Variants in FXR1 observed in about 807,000 individuals in gnomAD.
FXR1 encodes the protein RNA-binding protein FXR1.
FXR1 carries 15 observed loss-of-function variants against 84.0 expected under a neutral mutation model. The ratio of observed to expected loss-of-function variants is 0.18; its 90% CI spans 0.12 to 0.27. The LOEUF (loss-of-function observed/expected upper bound fraction) is 0.27, where lower values mean the gene tolerates loss of function less well. Ranked by LOEUF, FXR1 falls within the 10% of genes least tolerant of loss-of-function variation. FXR1 has a pLI of 1.00. For missense variants in FXR1, 480 were observed against 774.4 expected (o/e 0.62, Z 4.51); for synonymous variants, 245 against 250.7 (o/e 0.98, Z 0.21).
chr3:180,959,027 C>T (rs897914360), intron 10 of FXR1, among the ~76,000 whole-genome samples: 16 of 151,914 alleles, frequency 1.1e-4, no homozygotes, highest in Non-Finnish European at 1.9e-4. Context: ...AGGATGGTCT[C>T]GATCTCTTGA....
chr3:180,952,225 C>G (rs764585379), intron 8 of FXR1, among the ~76,000 whole-genome samples: 1 of 152,046 alleles, frequency 6.6e-6, no homozygotes, highest in Admixed American at 6.6e-5. Context: ...TCCAAAGTGC[C>G]GGGACTATAG....
At chr3:180,916,127 G>A (rs543482301) in intron 1 of FXR1, among the ~76,000 whole-genome samples, 2 of 152,164 alleles carry the variant, frequency 1.3e-5, no homozygotes, top group South Asian at 4.2e-4. Context: ...TATACTACTG[G>A]ACATTTAAGG....
At chr3:180,971,171 C>T (rs1292334857) in intron 15 of FXR1, 1 of 1,075,350 alleles carries the variant, frequency 9.3e-7, no homozygotes, top group Non-Finnish European at 1.2e-6. Flanking sequence ...TTGAGTGGAC[C>T]TGTGGACACC....
chr3:180,978,275 G>A lies in FXR1; in HGVS notation c.*1983G>A, dbSNP rs1341169260. 2 of 148,700 alleles carry A rather than the reference G, an allele frequency of 1.3e-5. No homozygotes were observed. The highest frequency in any genetic ancestry group is 3.9e-4 in the East Asian group (2 of 5,080). The allele number at this position is 148,700 out of a possible 1,614,324, so 9.2% of individuals were successfully genotyped here. A position where few individuals can be genotyped will look rare whatever the true frequency, so the allele number is the denominator to read the frequency against. On this transcript the variant is annotated 3_prime_UTR_variant, in exon 17 of 17. Transcript: ENST00000357559. The stretch of plus-strand genomic sequence containing the variant: ...CCATAAAGATGGTTTCAATGGGAAT[G>A]GAAGAAACAAAATCTTAAAAGAGTG...
chr3:180,922,232 G>A (rs1473511553), intron 1 of FXR1, among the ~76,000 whole-genome samples: 3 of 152,142 alleles, frequency 2.0e-5, no homozygotes, highest in Non-Finnish European at 4.4e-5. Context: ...TGTAATAAAT[G>A]TTGAAAGATT....
intron 1 of FXR1, among the ~76,000 whole-genome samples, chr3:180,917,189 C>G (rs901116447): frequency 1.3e-5 from 2 of 152,174 alleles, no homozygotes; most frequent in South Asian, 2.1e-4. Context: ...GTCTACAAAA[C>G]AAATCTCAAA....
At position 180,977,521 on chromosome 3, in the gene FXR1, A is replaced by G. The variant is rs1016221589; in HGVS notation, c.*1229A>G. On this transcript the variant is annotated 3_prime_UTR_variant, in exon 17 of 17. Coordinates refer to ENST00000357559, the MANE Select transcript of FXR1 (RefSeq NM_005087.4). ...TTCTCAACTTATTTTGAAGGCTCTC[A>G]TATCAGTGACCAAAAATCAGTTATT... The G allele has an allele frequency of 6.6e-6, 1 of 152,138 alleles. No homozygotes were observed. Among genetic ancestry groups the G allele is most frequent in the Admixed American group, 6.5e-5 (1 of 15,268 alleles). 9.4% of individuals were successfully genotyped at this position (152,138 alleles called of 1,614,324 possible). A position where few individuals can be genotyped will look rare whatever the true frequency, so the allele number is the denominator to read the frequency against.
rs1005866943 is a variant in FXR1 at position 180,982,154 on chromosome 3, C to G, written c.*5862C>G. The stretch of plus-strand genomic sequence containing the variant: ...GCCTTGGCTGCTTAACCTTACTAAA[C>G]TTCCATTTCCTCACATGTAAAATGT... On this transcript the variant is annotated 3_prime_UTR_variant, in exon 17 of 17. Coordinates refer to ENST00000357559, the MANE Select transcript of FXR1 (RefSeq NM_005087.4). 1 of 152,070 alleles carries G rather than the reference C, an allele frequency of 6.6e-6. No individual in the cohort carries two copies. Among genetic ancestry groups the G allele is most frequent in the African/African-American group, 2.4e-5 (1 of 41,434 alleles). 9.4% of individuals were successfully genotyped at this position (152,070 alleles called of 1,614,324 possible).
Position 180,949,360 on chromosome 3 carries a change from AC to A in FXR1, c.630+18del, listed in dbSNP as rs1182924618. The A allele has an allele frequency of 8.9e-7, 1 of 1,121,082 alleles. No individual in the cohort carries two copies. Among genetic ancestry groups the A allele is most frequent in the East Asian group, 2.3e-5 (1 of 42,652 alleles). The allele number at this position is 1,121,082 out of a possible 1,614,324, so 69.4% of individuals were successfully genotyped here. A position where few individuals can be genotyped will look rare whatever the true frequency, so the allele number is the denominator to read the frequency against. ...CATTTAGAAGTAAGTGGGTTTACTTACAAAAGAGTTTTCTGTGTCCCATTTA... is the reference window on the plus strand; with the variant it reads ...CATTTAGAAGTAAGTGGGTTTACTTAAAAAGAGTTTTCTGTGTCCCATTTA... On this transcript the variant is annotated intron_variant, in intron 7 of 16. Transcript: ENST00000357559.
At chr3:180,970,128 G>C in intron 14 of FXR1, 30 bp from the exon 15 acceptor site, 1 of 1,242,948 alleles carries the variant, frequency 8.0e-7, no homozygotes, top group Non-Finnish European at 1.2e-6. Context: ...ACTCTTAAAC[G>C]AATATTTCTT....
intron 1 of FXR1, among the ~76,000 whole-genome samples, chr3:180,930,193 T>C (rs942474755): frequency 1.3e-5 from 2 of 151,742 alleles, no homozygotes; most frequent in Admixed American, 6.6e-5. Context: ...AACCAGGGAG[T>C]TGGAGGTTGC....
intron 10 of FXR1, 129 bp from the exon 11 acceptor site, chr3:180,961,339 C>CAAAAAAA (rs34386869): frequency 4.1e-5 from 12 of 291,144 alleles, no homozygotes; most frequent in Admixed American, 7.1e-5. Context: ...GACGTCATCT[C>CAAAAAAA]AAAAAAAAAA....
chr3:180,949,475 C>T, intron 7 of FXR1, 132 bp downstream of exon 7: 2 of 665,596 alleles, frequency 3.0e-6, no homozygotes, highest in East Asian at 5.3e-5. Context: ...CAACCTCCAC[C>T]TCCCGGATTC....
chr3:180,933,149 G>A (rs183571805), intron 1 of FXR1, 185 bp from the exon 2 acceptor site: 88 of 542,482 alleles, frequency 1.6e-4, no homozygotes, highest in Admixed American at 1.4e-3. Flanking sequence ...GAGGTTCAGA[G>A]AGGTTAAGTA....
At chr3:180,949,448 A>G in intron 7 of FXR1, 105 bp downstream of exon 7, 1 of 730,166 alleles carries the variant, frequency 1.4e-6, no homozygotes, top group Non-Finnish European at 2.5e-6. Flanking sequence ...GTGCAGTGGC[A>G]CAATCTTGGC....
intron 3 of FXR1, among the ~76,000 whole-genome samples, chr3:180,945,460 A>AGT (rs1721600498): frequency 6.6e-6 from 1 of 152,096 alleles, no homozygotes; most frequent in South Asian, 2.1e-4. Context: ...GGTTGAGTGT[A>AGT]GTGGTACAAT....
chr3:180,969,971 TTTATCA>T (rs1187281157), intron 14 of FXR1, among the ~76,000 whole-genome samples, 181 bp from the exon 15 acceptor site: 17 of 152,172 alleles, frequency 1.1e-4, no homozygotes, highest in Non-Finnish European at 2.1e-4. Context: ...CACTTAAAGT[TTTATCA>T]TATTTAATTA....
At chr3:180,926,266 A>G (rs1322574095) in intron 1 of FXR1, among the ~76,000 whole-genome samples, 1 of 152,084 alleles carries the variant, frequency 6.6e-6, no homozygotes, top group Non-Finnish European at 1.5e-5. Context: ...CTATGTAAGA[A>G]TACTTGATCA....
chr3:180,940,656 A>C (rs913878342), intron 3 of FXR1, among the ~76,000 whole-genome samples: 3 of 149,968 alleles, frequency 2.0e-5, no homozygotes, highest in African/African-American at 7.4e-5. Context: ...GGCTCAGCGC[A>C]ACCTCCGCCT....
Sources: gnomAD v4.1 joint callset for allele counts (sites outside exome capture counted in the v4.1 genomes callset) on GRCh38, gnomAD v4.1.1 for gene constraint, MANE v1.5 for transcripts, NCBI Gene and HGNC (gene_info 2026-07-23, HGNC 2026-07-21) for gene names.